The following SLC12A7 variants were observed in gnomAD, a reference collection of about 807,000 sequenced individuals.
SLC12A7 encodes K-Cl cotransporter 4.
Under a neutral mutation model 120.6 loss-of-function variants are expected in SLC12A7, and 100 were observed. The observed-to-expected ratio is 0.83, with a 90% confidence interval of 0.71 to 0.98. The LOEUF (loss-of-function observed/expected upper bound fraction) is 0.98. Among genes scored for constraint, SLC12A7 ranks in the 50% least tolerant of loss-of-function variants. The probability of loss-of-function intolerance (pLI) is 0.00; values close to 1 mark genes in which losing one functional copy is unlikely to be tolerated. For missense variants in SLC12A7, 1,373 were observed against 1,548.1 expected (o/e 0.89, Z 1.90); for synonymous variants, 760 against 678.0 (o/e 1.12, Z -1.88).
the SLC12A7 span, among the ~76,000 whole-genome samples, chr5:1,141,314 G>C: frequency 6.6e-6 from 1 of 152,236 alleles, no homozygotes; most frequent in Non-Finnish European, 1.5e-5. Context: ...TCTGCAAACA[G>C]CTCCCTCCCA....
intron 18 of SLC12A7, among the ~76,000 whole-genome samples, chr5:1,064,827 G>A (rs1213020815): frequency 1.2e-4 from 17 of 146,588 alleles, no homozygotes; most frequent in South Asian, 2.2e-4. Context: ...AGGGAACGGC[G>A]AGGGGACGGC....
At chr5:1,145,042 T>G in the SLC12A7 span, among the ~76,000 whole-genome samples, 1 of 152,238 alleles carries the variant, frequency 6.6e-6, no homozygotes. The surrounding 1 kb of genome is among the most constrained non-coding windows in gnomAD (Gnocchi z 4.4). Context: ...GAGCATGTGC[T>G]GTCGGCACGG....
At chr5:1,143,865 C>CGA in the SLC12A7 span, among the ~76,000 whole-genome samples, 1 of 90,874 alleles carries the variant, frequency 1.1e-5, no homozygotes, top group East Asian at 4.8e-4. Flanking sequence ...TGGCGCTTGG[C>CGA]ACCCTGGCCT....
intron 1 of SLC12A7, among the ~76,000 whole-genome samples, chr5:1,110,934 C>G (rs1451474076): frequency 6.6e-6 from 1 of 152,190 alleles, no homozygotes; most frequent in South Asian, 2.1e-4. Flanking sequence ...CTTTCCTGCC[C>G]GGGATGGTGG....
chr5:1,085,439 G>T lies in SLC12A7; in HGVS notation c.710C>A (p.Ala237Glu), dbSNP rs775247991. The T allele has an allele frequency of 9.3e-6, 15 of 1,609,330 alleles. No individual in the cohort carries two copies. The highest frequency in any genetic ancestry group is 1.2e-5 in the Non-Finnish European group (14 of 1,178,552). The change falls in exon 7 of 24, where the codon GCG (alanine) becomes GAG (glutamate). Residue 237 changes from alanine (A) to glutamate (E), a missense_variant. Physicochemically the swap from Ala to Glu is moderately radical, Grantham distance 107 (BLOSUM62 -1). Transcript: ENST00000264930. ...GGCCGCCTCGCCACCTGCAGCCTCC[G>T]CCTGGAAGATGGCCGCACCCGGGGA... is the stretch of plus-strand genomic sequence containing the variant. ...YISPGAAIFQ[A>E]EAAGGEAAAM...
upstream of SLC12A7, among the ~76,000 whole-genome samples, chr5:1,112,346 CCCCGGCCCCCT>C (rs1743098064): frequency 2.1e-5 from 1 of 48,174 alleles, no homozygotes; most frequent in Non-Finnish European, 5.1e-5. Flanking sequence ...TCCCCGCCCT[CCCCGGCCCCCT>C]CCCCGCCTCC....
chr5:1,051,987 G>A lies in SLC12A7; in HGVS notation c.*373C>T, dbSNP rs1355375488. 3.7e-6 allele frequency: 1 copy of A among 270,412 alleles called. No homozygotes were observed. Among genetic ancestry groups the A allele is most frequent in the Non-Finnish European group, 7.0e-6 (1 of 142,460 alleles). 16.8% of individuals were successfully genotyped at this position (270,412 alleles called of 1,614,324 possible). A position where few individuals can be genotyped will look rare whatever the true frequency, so the allele number is the denominator to read the frequency against. On this transcript the variant is annotated 3_prime_UTR_variant, in exon 24 of 24. Transcript: ENST00000264930. ...CTCTTCCAAGAATGTTCTGGATGGG[G>A]TAGAAATGCAACCTAACCACTGGGT...
At chr5:1,111,215 G>A (rs558885065) in intron 1 of SLC12A7, among the ~76,000 whole-genome samples, 2 of 152,262 alleles carry the variant, frequency 1.3e-5, no homozygotes, top group African/African-American at 4.8e-5. Flanking sequence ...CAGGGCTGGG[G>A]GATTCTCTCC....
At chr5:1,108,684 A>G (rs1742752373) in intron 1 of SLC12A7, among the ~76,000 whole-genome samples, 1 of 152,364 alleles carries the variant, frequency 6.6e-6, no homozygotes, top group East Asian at 1.9e-4. Context: ...ACCCCAGATC[A>G]GCACGACCGG....
At chr5:1,125,070 G>A in the SLC12A7 span, among the ~76,000 whole-genome samples, 15 of 152,154 alleles carry the variant, frequency 9.9e-5, no homozygotes, top group African/African-American at 3.6e-4. Context: ...CAGCTATGTG[G>A]AAATGCACCC....
intron 21 of SLC12A7, among the ~76,000 whole-genome samples, chr5:1,058,856 G>A (rs1047891106): frequency 6.6e-6 from 1 of 150,578 alleles, no homozygotes; most frequent in Non-Finnish European, 1.5e-5. Context: ...TCACTAGAGG[G>A]TGTCCACCCA....
Position 1,060,415 on chromosome 5 carries a change from T to G in SLC12A7, c.2776A>C (p.Thr926Pro). The G allele has an allele frequency of 6.2e-7, 1 of 1,613,770 alleles. No individual in the cohort carries two copies. Among genetic ancestry groups the G allele is most frequent in the South Asian group, 1.1e-5 (1 of 91,076 alleles). The change falls in exon 21 of 24, where the codon ACA becomes CCA. Residue 926 changes from threonine to proline, a missense_variant. Physicochemically the swap from Thr to Pro is conservative, Grantham distance 38 (BLOSUM62 -1). Coordinates refer to ENST00000264930, the MANE Select transcript of SLC12A7 (RefSeq NM_006598.3). The part of the protein sequence containing the change: ...NDISAFTYER[T>P]LMMEQRSQML... ...TGCGACCTCTGCTCCATCATTAGTG[T>G]CCTCTCGTAGGTGAAAGCAGATATG...
At chr5:1,114,614 T>C (rs1743242669), upstream of SLC12A7, among the ~76,000 whole-genome samples, 3 of 152,148 alleles carry the variant, frequency 2.0e-5, no homozygotes, top group South Asian at 4.1e-4. Context: ...CCGGCACCTG[T>C]TGTAGGAAGT....
rs4975567 is a variant in SLC12A7 at position 1,060,716 on chromosome 5, G to A, written c.2740-265C>T. Among the ~76,000 whole-genome samples the A allele has an allele frequency of 0.94, 143,235 of 152,250 alleles. 68,007 individuals are homozygous for A. Among genetic ancestry groups the A allele is most frequent in the East Asian group, 1 (5,172 of 5,172 alleles). On this transcript the variant is annotated intron_variant, in intron 20 of 23. Transcript: ENST00000264930. ...ACCGGGCACAAGGGCAGCTGTGAGGGCAAGGCCACAGCCACAAACCAACCT... is the reference window on the plus strand; with the variant it reads ...ACCGGGCACAAGGGCAGCTGTGAGGACAAGGCCACAGCCACAAACCAACCT...
intron 11 of SLC12A7, 88 bp from the exon 12 acceptor site, chr5:1,078,095 C>T: frequency 1.4e-6 from 2 of 1,434,100 alleles, no homozygotes; most frequent in Non-Finnish European, 1.8e-6. Flanking sequence ...AGCGAGGGGC[C>T]CAGTGCAGTG....
At chr5:1,144,623 C>T in the SLC12A7 span, among the ~76,000 whole-genome samples, 1 of 152,212 alleles carries the variant, frequency 6.6e-6, no homozygotes, top group Admixed American at 6.5e-5. Context: ...GAAAATGACC[C>T]CTCAAACCAG....
chr5:1,151,431 G>A, the SLC12A7 span, among the ~76,000 whole-genome samples: 3 of 152,194 alleles, frequency 2.0e-5, no homozygotes, highest in African/African-American at 2.4e-5. The surrounding 1 kb of genome is among the most constrained non-coding windows in gnomAD (Gnocchi z 6.2). Flanking sequence ...CTAGGGGAGG[G>A]TTCCTTTGGC....
chr5:1,105,077 A>G (rs541529851), intron 1 of SLC12A7, among the ~76,000 whole-genome samples: 12 of 150,758 alleles, frequency 8.0e-5, no homozygotes, highest in African/African-American at 2.9e-4. Context: ...GCCTCCCCGC[A>G]GGGATGAGGT....
chr5:1,079,905 G>A (rs1018517903), intron 9 of SLC12A7, among the ~76,000 whole-genome samples: 17 of 152,238 alleles, frequency 1.1e-4, no homozygotes, highest in African/African-American at 3.6e-4. Flanking sequence ...CAGCCAGCCA[G>A]GCCAGCAGAC....
Sources: allele counts gnomAD v4.1 joint callset (sites outside exome capture counted in the v4.1 genomes callset), GRCh38; gene constraint gnomAD v4.1.1; non-coding constraint Gnocchi (gnomAD v3.1); transcripts MANE v1.5; gene names NCBI Gene and HGNC (gene_info 2026-07-23, HGNC 2026-07-21).